ARG1: variants seen among roughly 807,000 people sequenced by gnomAD.
ARG1 encodes arginase-1.
Under a neutral mutation model 33.0 loss-of-function variants are expected in ARG1, and 20 were observed. That is an observed-to-expected ratio of 0.61 (90% CI 0.43 to 0.88). ARG1 has a LOEUF of 0.88. Among genes scored for constraint, ARG1 ranks in the 40% least tolerant of loss-of-function variants. The pLI, the probability that ARG1 is intolerant of heterozygous loss-of-function variation, is 0.00. For synonymous variants in ARG1, 146 were observed against 140.6 expected (o/e 1.04, Z -0.27); for missense variants, 374 against 384.7 (o/e 0.97, Z 0.23).
intron 3 of ARG1, 139 bp from the exon 4 acceptor site, chr6:131,581,080 G>C: frequency 1.3e-6 from 1 of 785,442 alleles, no homozygotes; most frequent in Non-Finnish European, 2.2e-6. Context: ...TAACTAATTG[G>C]CATCTCCAAT....
chr6:131,575,849 A>G (rs376875406), intron 1 of ARG1, among the ~76,000 whole-genome samples: 2 of 152,144 alleles, frequency 1.3e-5, no homozygotes, highest in East Asian at 1.9e-4. Flanking sequence ...TTCCCATCAT[A>G]CTGTTAAGCA....
intron 4 of ARG1, 30 bp from the exon 5 acceptor site, chr6:131,582,591 C>A (rs765556316): frequency 4.5e-6 from 7 of 1,556,706 alleles, no homozygotes; most frequent in Middle Eastern, 3.3e-4. Context: ...GAGAATCATA[C>A]ATAACCAAGT....
Position 131,583,500 on chromosome 6 carries a change from C to A in ARG1, c.802+9C>A. On this transcript the variant is annotated intron_variant, in intron 7 of 7. Transcript: ENST00000368087. Reference sequence around the variant, plus strand: ...AGAAATCTACAAAACAGGTAGTTAACAATCTGAGGTAATAGAGAAGCAAGT... The same window carrying A: ...AGAAATCTACAAAACAGGTAGTTAAAAATCTGAGGTAATAGAGAAGCAAGT... 1 of 1,614,030 alleles carries A rather than the reference C, an allele frequency of 6.2e-7. No individual in the cohort carries two copies. The highest frequency in any genetic ancestry group is 1.7e-5 in the Admixed American group (1 of 60,010).
At chr6:131,573,478 CA>C in intron 1 of ARG1, 139 bp downstream of exon 1, 1 of 791,956 alleles carries the variant, frequency 1.3e-6, no homozygotes, top group Non-Finnish European at 2.1e-6. Context: ...AAAGTCCTCT[CA>C]CCATTTTCCA....
chr6:131,581,825 A>G (rs1346911159), intron 4 of ARG1, among the ~76,000 whole-genome samples: 1 of 152,226 alleles, frequency 6.6e-6, no homozygotes, highest in Non-Finnish European at 1.5e-5. Flanking sequence ...GAAATTTTAA[A>G]ATTTCAGATA....
rs939256919 is a variant in ARG1, at chr6:131,573,324, T to A, written c.42T>A (p.Pro14=). The change falls in exon 1 of 8, where the codon CCT becomes CCA. Residue 14 remains proline, a synonymous_variant. Transcript: ENST00000368087. ...GAACCATAGGGATTATTGGAGCTCCTTTCTCAAAGGGACAGGTAAGGAAAA... is the reference window on the plus strand; with the variant it reads ...GAACCATAGGGATTATTGGAGCTCCATTCTCAAAGGGACAGGTAAGGAAAA... ...KSRTIGIIGA[P]FSKGQPRGGV... 1.5e-5 allele frequency: 25 copies of A among 1,613,948 alleles called. No individual in the cohort carries two copies. The Middle Eastern group carries it at 1.2e-3, about 74-fold the overall frequency.
At chr6:131,583,675 T>G in intron 7 of ARG1, 67 bp from the exon 8 acceptor site, 1 of 1,566,008 alleles carries the variant, frequency 6.4e-7, no homozygotes, top group Non-Finnish European at 8.8e-7. Flanking sequence ...ATCTTTCAAG[T>G]CTGTCTGTAC....
Position 131,579,301 on chromosome 6 carries a change from T to C in ARG1, c.305+16T>C, listed in dbSNP as rs1190917489. ...GAGACCACAGGTCTTGTTGAATAAC[T>C]GTGTCTATGGGAATCTGGCACAAAG... On this transcript the variant is annotated intron_variant, in intron 3 of 7. Coordinates refer to ENST00000368087, the MANE Select transcript of ARG1 (RefSeq NM_000045.4). The C allele has an allele frequency of 6.2e-7, 1 of 1,613,476 alleles. No individual in the cohort carries two copies. The highest frequency in any genetic ancestry group is 2.2e-5 in the East Asian group (1 of 44,884).
rs201959088 is a variant in ARG1, at chr6:131,576,631, T to C, written c.58-32T>C. ...TGTGAGCATCTGATGGTCATGATAA[T>C]GTCTGAAGTACTTTATTTTTTAATT... is the stretch of plus-strand genomic sequence containing the variant. On this transcript the variant is annotated intron_variant, in intron 1 of 7. Transcript: ENST00000368087. 4.4e-5 allele frequency: 69 copies of C among 1,581,068 alleles called. 2 individuals are homozygous for C. The Admixed American group carries it at 9.2e-4, about 21-fold the overall frequency.
intron 4 of ARG1, among the ~76,000 whole-genome samples, chr6:131,581,684 T>C (rs913803821): frequency 3.3e-5 from 5 of 152,218 alleles, no homozygotes; most frequent in Admixed American, 6.5e-5. Context: ...TTGCCCAAGA[T>C]ATATGCCAAG....
At chr6:131,582,497 T>G (rs972480854) in intron 4 of ARG1, 124 bp from the exon 5 acceptor site, 1 of 766,876 alleles carries the variant, frequency 1.3e-6, no homozygotes, top group Admixed American at 2.1e-5. Context: ...TATTTTTACA[T>G]GATTTCTTCT....
At position 131,583,992 on chromosome 6, in the gene ARG1, T is replaced by TAA. The variant is rs1031460462; in HGVS notation, c.*86_*87dup. The TAA allele has an allele frequency of 2.0e-6, 3 of 1,466,762 alleles. No homozygotes were observed. The highest frequency in any genetic ancestry group is 2.8e-6 in the Non-Finnish European group (3 of 1,061,282). 90.9% of individuals were successfully genotyped at this position (1,466,762 alleles called of 1,614,324 possible). A position where few individuals can be genotyped will look rare whatever the true frequency, so the allele number is the denominator to read the frequency against. ...TTTCTTAAGCATAGAGTTATCCTTC[T>TAA]AAAGACTTGTTCTTTCAGAAAAATG... On this transcript the variant is annotated 3_prime_UTR_variant, in exon 8 of 8. Coordinates refer to ENST00000368087, the MANE Select transcript of ARG1 (RefSeq NM_000045.4).
At chr6:131,580,278 C>A (rs142919558) in intron 3 of ARG1, among the ~76,000 whole-genome samples, 1 of 152,242 alleles carries the variant, frequency 6.6e-6, no homozygotes, top group Non-Finnish European at 1.5e-5. Flanking sequence ...AACTGAGGCT[C>A]GCTTTCTTTG....
At chr6:131,577,097 A>G (rs78635741) in intron 2 of ARG1, among the ~76,000 whole-genome samples, 3,600 of 152,306 alleles carry the variant, frequency 0.024, 56 homozygotes, top group Non-Finnish European at 0.04. Context: ...TGTGAAATAA[A>G]ATAAAATAAA....
rs774535167 is a variant in ARG1, at chr6:131,581,303, C to T, written c.390C>T (p.Asn130=). The change falls in exon 4 of 8, where the codon AAC becomes AAT. Residue 130 remains asparagine, a synonymous_variant. Transcript: ENST00000368087. ...GGGTGGATGCTCACACTGATATCAA[C>T]ACTCCACTGACAACCACAAGTGGAA... is the stretch of plus-strand genomic sequence containing the variant. The part of the protein sequence containing the change: ...VIWVDAHTDI[N]TPLTTTSGNL... The T allele has an allele frequency of 6.2e-7, 1 of 1,613,938 alleles. No homozygotes were observed. Among genetic ancestry groups the T allele is most frequent in the Admixed American group, 1.7e-5 (1 of 60,020 alleles).
At chr6:131,578,132 G>A (rs17657775) in intron 2 of ARG1, among the ~76,000 whole-genome samples, 4,881 of 149,706 alleles carry the variant, frequency 0.033, 110 homozygotes, top group Middle Eastern at 0.063. Context: ...TCATTGACCC[G>A]CACAGTTAAA....
intron 2 of ARG1, among the ~76,000 whole-genome samples, chr6:131,578,484 T>C (rs1470342876): frequency 1.3e-5 from 2 of 152,154 alleles, no homozygotes; most frequent in Non-Finnish European, 1.5e-5. Flanking sequence ...TTACCTGCAA[T>C]TTTTCCTTAC....
intron 1 of ARG1, chr6:131,573,973 C>T: frequency 2.4e-6 from 1 of 409,334 alleles, no homozygotes; most frequent in Non-Finnish European, 4.5e-6. Context: ...GGGTTGGCAA[C>T]TCTAAAAGGA....
chr6:131,573,415 T>C (rs1773471691), intron 1 of ARG1, 76 bp downstream of exon 1: 18 of 1,396,764 alleles, frequency 1.3e-5, no homozygotes, highest in Non-Finnish European at 1.8e-5. Context: ...TAAGGTGTTA[T>C]TGTCTAGTTA....
Sources: gnomAD v4.1 joint callset for allele counts (sites outside exome capture counted in the v4.1 genomes callset) on GRCh38, gnomAD v4.1.1 for gene constraint, MANE v1.5 for transcripts, NCBI Gene and HGNC (gene_info 2026-07-23, HGNC 2026-07-21) for gene names.